The following SDK1 variants were observed in gnomAD, a reference collection of about 807,000 sequenced individuals.
SDK1 encodes protein sidekick-1.
In SDK1, 157 loss-of-function variants were observed where a neutral mutation model predicts 245.5. The observed-to-expected ratio is 0.64, with a 90% CI of 0.56 to 0.73. SDK1 has a LOEUF of 0.73. Among genes scored for constraint, SDK1 ranks in the 30% least tolerant of loss-of-function variants. The pLI is 0.00. For missense variants in SDK1, 3,583 were observed against 3,002.3 expected (o/e 1.19, Z -4.52); for synonymous variants, 1,647 against 1,278.5 (o/e 1.29, Z -6.15).
chr7:4,055,475 T>C (rs1779135431), intron 19 of SDK1, among the ~76,000 whole-genome samples: 1 of 152,216 alleles, frequency 6.6e-6, no homozygotes. Context: ...GGCTTTTTAA[T>C]GTTGTCATTC....
intron 1 of SDK1, among the ~76,000 whole-genome samples, chr7:3,499,186 G>C (rs1782116915): frequency 6.6e-6 from 1 of 152,164 alleles, no homozygotes; most frequent in African/African-American, 2.4e-5. Context: ...ACGCATTTCA[G>C]CAATAATGGT....
chr7:3,643,785 C>G (rs563235035), intron 4 of SDK1: 1 of 151,774 alleles, frequency 6.6e-6, no homozygotes, highest in African/African-American at 2.4e-5. Flanking sequence ...ACCTGAGCAT[C>G]TGTGGAATCC....
rs150416541 is a variant in SDK1 at position 3,732,506 on chromosome 7, G to A, written c.714-88944G>A. ...CATCATCTCTTTAATAGTTCGGTTC[G>A]GTCTGAGCTAGTTATTTCTTTCACA... On this transcript the variant is annotated intron_variant, in intron 4 of 44. Transcript: ENST00000404826. Among the ~76,000 whole-genome samples, 12 of 152,210 alleles carry A rather than the reference G, an allele frequency of 7.9e-5. No individual in the cohort carries two copies. In the East Asian group the frequency reaches 1.9e-3, roughly 24 times the overall value.
At chr7:3,703,647 C>T (rs1784804709) in intron 4 of SDK1, among the ~76,000 whole-genome samples, 1 of 152,136 alleles carries the variant, frequency 6.6e-6, no homozygotes, top group African/African-American at 2.4e-5. Context: ...AAGCAGTATC[C>T]ATTAAGAGAA....
rs1359236275 is a variant in SDK1 at position 4,074,978 on chromosome 7, C to G, written c.3011-2020C>G. On this transcript the variant is annotated intron_variant, in intron 20 of 44. Coordinates refer to ENST00000404826, the MANE Select transcript of SDK1 (RefSeq NM_152744.4). ...GGAGAAGGCAAAAATGAGTGGTTGG[C>G]CTGGGTAGTCGGCCTTCTCCCCTCT... Among the ~76,000 whole-genome samples, 4 of 144,886 alleles carry G rather than the reference C, an allele frequency of 2.8e-5. No homozygotes were observed. The Admixed American group carries it at 2.8e-4, about 10-fold the overall frequency.
At chr7:3,489,846 CA>C (rs1188214987) in intron 1 of SDK1, among the ~76,000 whole-genome samples, 1 of 152,176 alleles carries the variant, frequency 6.6e-6, no homozygotes, top group Non-Finnish European at 1.5e-5. Flanking sequence ...ATTACTATTT[CA>C]AGTTTGGAGT....
At chr7:3,993,486 T>C (rs1313997820) in intron 14 of SDK1, among the ~76,000 whole-genome samples, 2 of 152,236 alleles carry the variant, frequency 1.3e-5, no homozygotes, top group Non-Finnish European at 2.9e-5. Flanking sequence ...AGGATGAGTG[T>C]TCGTAATTGT....
At chr7:3,795,540 A>G (rs1259823880) in intron 4 of SDK1, among the ~76,000 whole-genome samples, 1 of 152,168 alleles carries the variant, frequency 6.6e-6, no homozygotes, top group African/African-American at 2.4e-5. Context: ...GGCTGCGCTC[A>G]TGGAAATTTT....
At chr7:4,068,008 A>G (rs10226621) in intron 20 of SDK1, 72 bp downstream of exon 20, 2 of 1,087,044 alleles carry the variant, frequency 1.8e-6, no homozygotes, top group Non-Finnish European at 1.4e-6. Context: ...TGTCACTTCA[A>G]ACCAAACTGC....
chr7:4,059,335 A>G (rs1779390707), intron 19 of SDK1, among the ~76,000 whole-genome samples: 1 of 152,178 alleles, frequency 6.6e-6, no homozygotes, highest in South Asian at 2.1e-4. Context: ...AAAAAACAGT[A>G]AAAAGAGACA....
intron 5 of SDK1, among the ~76,000 whole-genome samples, chr7:3,881,106 A>G (rs185590971): frequency 2.0e-5 from 3 of 152,016 alleles, no homozygotes; most frequent in Admixed American, 2.0e-4. Flanking sequence ...TATTTTCTTC[A>G]GCTTTTAAGT....
intron 1 of SDK1, among the ~76,000 whole-genome samples, chr7:3,468,100 A>G (rs957502583): frequency 2.0e-5 from 3 of 152,202 alleles, no homozygotes; most frequent in African/African-American, 7.2e-5. Context: ...GAAATCATAA[A>G]GCAGAGAGAA....
At chr7:3,859,276 GTC>G in intron 5 of SDK1, among the ~76,000 whole-genome samples, 1 of 152,272 alleles carries the variant, frequency 6.6e-6, no homozygotes, top group East Asian at 1.9e-4. Context: ...TGGGCTGGAG[GTC>G]TCCTTCCAAG....
At chr7:3,625,567 C>G (rs180870340) in intron 2 of SDK1, among the ~76,000 whole-genome samples, 2 of 152,184 alleles carry the variant, frequency 1.3e-5, no homozygotes, top group African/African-American at 4.8e-5. Context: ...AGTTGGCAGT[C>G]ACTCTAAGTG....
At chr7:3,590,941 C>A (rs180894450) in intron 1 of SDK1, among the ~76,000 whole-genome samples, 3 of 152,038 alleles carry the variant, frequency 2.0e-5, no homozygotes, top group African/African-American at 4.8e-5. Context: ...TGCCACCACA[C>A]GTGGCTAATT....
intron 14 of SDK1, among the ~76,000 whole-genome samples, chr7:4,001,317 A>G (rs889286243): frequency 6.6e-6 from 1 of 152,160 alleles, no homozygotes; most frequent in African/African-American, 2.4e-5. Flanking sequence ...TTCTGGATAT[A>G]TCCAGTCACC....
intron 2 of SDK1, among the ~76,000 whole-genome samples, chr7:3,629,809 G>T (rs79374181): frequency 0.031 from 4,647 of 152,290 alleles, 207 homozygotes; most frequent in African/African-American, 0.1. Context: ...ATGCAGGAAA[G>T]CATGACCCAT....
Position 3,712,309 on chromosome 7 carries a change from C to T in SDK1, c.713+70204C>T, listed in dbSNP as rs112522713. On this transcript the variant is annotated intron_variant, in intron 4 of 44. Transcript: ENST00000404826. ...GTGCGTGTGAGGGTCCTAGGTTGCACGCTACTTATGAGAATCTAATGCCTG... is the reference window on the plus strand; with the variant it reads ...GTGCGTGTGAGGGTCCTAGGTTGCATGCTACTTATGAGAATCTAATGCCTG... Among the ~76,000 whole-genome samples, 100 of 152,214 alleles carry T rather than the reference C, an allele frequency of 6.6e-4. 1 individual carries two copies. Among genetic ancestry groups the T allele is most frequent in the South Asian group, 1.2e-3 (6 of 4,818 alleles).
chr7:3,724,821 C>A (rs1485492358), intron 4 of SDK1, among the ~76,000 whole-genome samples: 1 of 152,144 alleles, frequency 6.6e-6, no homozygotes, highest in Non-Finnish European at 1.5e-5. Flanking sequence ...CTGGCCTGGC[C>A]CAGAAGCATC....
Sources: gnomAD v4.1 joint callset for allele counts (sites outside exome capture counted in the v4.1 genomes callset) on GRCh38, gnomAD v4.1.1 for gene constraint, MANE v1.5 for transcripts, NCBI Gene and HGNC (gene_info 2026-07-23, HGNC 2026-07-21) for gene names.